ZNF141: variants seen among roughly 807,000 people sequenced by gnomAD.
ZNF141 encodes the protein zinc finger protein 141.
In ZNF141, 7 loss-of-function variants were observed where a neutral mutation model predicts 11.3. That is an observed-to-expected ratio of 0.62 (90% CI 0.35 to 1.16). ZNF141 has a LOEUF of 1.16. Among genes scored for constraint, ZNF141 ranks in the 50% most tolerant of loss-of-function variants. ZNF141 has a pLI of 0.02. For synonymous variants in ZNF141, 183 were observed against 190.7 expected (o/e 0.96, Z 0.33); for missense variants, 535 against 554.0 (o/e 0.97, Z 0.34).
chr4:339,595 A>G (rs11729532), intron 1 of ZNF141, among the ~76,000 whole-genome samples: 65,830 of 152,084 alleles, frequency 0.43, 14,842 homozygotes, highest in African/African-American at 0.57. Context: ...TAGAATGAGG[A>G]AAGAATTTTT....
Position 373,736 on chromosome 4 carries a change from A to G in ZNF141, c.1299A>G (p.Lys433=), listed in dbSNP as rs1553854113. 2 of 1,614,192 alleles carry G rather than the reference A, an allele frequency of 1.2e-6. No individual in the cohort carries two copies. The highest frequency in any genetic ancestry group is 1.1e-5 in the South Asian group (1 of 91,078). ...YKCKECDKAF[K]QFSLLSQHKK... ...GTAAAGAATGTGACAAAGCCTTTAA[A>G]CAATTTTCGCTCCTGAGTCAACATA... Residue 433 remains lysine, a synonymous_variant, in exon 4 of 4, where the codon AAA becomes AAG. Transcript: ENST00000240499.
At chr4:340,268 A>C in intron 1 of ZNF141, among the ~76,000 whole-genome samples, 1 of 152,156 alleles carries the variant, frequency 6.6e-6, no homozygotes, top group East Asian at 1.9e-4. Flanking sequence ...TGTGCAGCAA[A>C]GTGCACGAAG....
chr4:350,136 G>T (rs782221395), intron 3 of ZNF141: 3 of 534,406 alleles, frequency 5.6e-6, no homozygotes, highest in South Asian at 4.2e-5. Flanking sequence ...TTTGAGAGAG[G>T]TTACAGAACT....
At chr4:341,597 G>A (rs1281508557) in intron 1 of ZNF141, among the ~76,000 whole-genome samples, 3 of 152,034 alleles carry the variant, frequency 2.0e-5, no homozygotes, top group Non-Finnish European at 4.4e-5. Flanking sequence ...ATTTCTCTTG[G>A]GCAGGCTTAG....
chr4:374,115 G>T lies in ZNF141; in HGVS notation c.*253G>T. ...TGAGCAGAAGAAAATTATTACTGGA[G>T]ATAAACCCTGCAAATGTAAAGAGTG... On this transcript the variant is annotated 3_prime_UTR_variant, in exon 4 of 4. Coordinates refer to ENST00000240499, the MANE Select transcript of ZNF141 (RefSeq NM_003441.4). The T allele has an allele frequency of 2.0e-6, 1 of 510,894 alleles. No homozygotes were observed. The highest frequency in any genetic ancestry group is 3.3e-5 in the East Asian group (1 of 30,086). 31.6% of individuals were successfully genotyped at this position (510,894 alleles called of 1,614,324 possible).
At chr4:340,493 A>G (rs1560177897) in intron 1 of ZNF141, among the ~76,000 whole-genome samples, 2 of 152,218 alleles carry the variant, frequency 1.3e-5, no homozygotes, top group South Asian at 2.1e-4. Context: ...ACACATGTGC[A>G]TTGATTAAAC....
chr4:363,321 G>A (rs960976261), intron 3 of ZNF141, among the ~76,000 whole-genome samples: 29 of 152,164 alleles, frequency 1.9e-4, no homozygotes, highest in Admixed American at 1.7e-3. Flanking sequence ...TCTGCAAACA[G>A]GGACAATTTG....
At position 376,287 on chromosome 4, in the gene ZNF141, A is replaced by T. The variant is rs561315598; in HGVS notation, c.*2425A>T. On this transcript the variant is annotated 3_prime_UTR_variant, in exon 4 of 4. Coordinates refer to ENST00000240499, the MANE Select transcript of ZNF141 (RefSeq NM_003441.4). ...AAATACATTGAAGAATATCATTCCC[A>T]TATGTTGTATTTTCACTCTTGTTAT... Among the ~76,000 whole-genome samples, 3 of 151,990 alleles carry T rather than the reference A, an allele frequency of 2.0e-5. No homozygotes were observed. The highest frequency in any genetic ancestry group is 7.2e-5 in the African/African-American group (3 of 41,432).
chr4:346,861 GTATGTATATA>G (rs1275202300), intron 3 of ZNF141, among the ~76,000 whole-genome samples: 24 of 140,964 alleles, frequency 1.7e-4, no homozygotes, highest in Middle Eastern at 7.9e-3. Context: ...GTATATACAT[GTATGTATATA>G]TATGTATACA....
chr4:351,926 G>T (rs1553850503), intron 3 of ZNF141, among the ~76,000 whole-genome samples: 3 of 152,134 alleles, frequency 2.0e-5, no homozygotes, highest in African/African-American at 7.2e-5. Flanking sequence ...TTGTCATGGG[G>T]CTGTTTCTAC....
At position 382,662 on chromosome 4, in the gene ZNF141, T is replaced by C. The variant is rs1282154378; in HGVS notation, c.*8800T>C. 15 of 152,696 alleles carry C rather than the reference T, an allele frequency of 9.8e-5. No individual in the cohort carries two copies. 9.5% of individuals were successfully genotyped at this position (152,696 alleles called of 1,614,324 possible). A position where few individuals can be genotyped will look rare whatever the true frequency, so the allele number is the denominator to read the frequency against. The stretch of plus-strand genomic sequence containing the variant: ...CAGAACCATTCCCTGGAGTGAATTA[T>C]TTCCAATGGTGAAGAGTAATGGATG... On this transcript the variant is annotated 3_prime_UTR_variant, in exon 4 of 4. Transcript: ENST00000240499.
chr4:373,780 A>G lies in ZNF141; in HGVS notation c.1343A>G (p.Asp448Gly). The change falls in exon 4 of 4, where the codon GAT becomes GGT. Residue 448 changes from aspartate to glycine, a missense_variant. By Grantham distance (94) the Asp-to-Gly change is moderately conservative. Transcript: ENST00000240499. ...LSQHKKIHTV[D>G]KPYKCKDCDK... The stretch of plus-strand genomic sequence containing the variant: ...CAACATAAGAAAATTCATACTGTAG[A>G]TAAACCCTACAAATGTAAAGATTGT... The G allele has an allele frequency of 1.2e-6, 2 of 1,614,198 alleles. No individual in the cohort carries two copies. Among genetic ancestry groups the G allele is most frequent in the Non-Finnish European group, 1.7e-6 (2 of 1,179,986 alleles).
At chr4:345,750 A>AAAAAAT (rs1560182129) in intron 3 of ZNF141, among the ~76,000 whole-genome samples, 1 of 150,742 alleles carries the variant, frequency 6.6e-6, no homozygotes, top group Non-Finnish European at 1.5e-5. Flanking sequence ...AAAAAAAAAA[A>AAAAAAT]GTTTTTGAAA....
At chr4:356,379 G>A (rs556698862) in intron 3 of ZNF141, among the ~76,000 whole-genome samples, 1 of 151,998 alleles carries the variant, frequency 6.6e-6, no homozygotes, top group South Asian at 2.1e-4. Flanking sequence ...GGAGTACAGT[G>A]GAGTACAGTG....
At chr4:343,170 T>C (rs1721139465) in intron 1 of ZNF141, among the ~76,000 whole-genome samples, 1 of 152,164 alleles carries the variant, frequency 6.6e-6, no homozygotes, top group Admixed American at 6.5e-5. Context: ...GGCTTCCAGA[T>C]ACTTTAGTGA....
intron 3 of ZNF141, among the ~76,000 whole-genome samples, chr4:357,131 G>T (rs1258905314): frequency 1.3e-5 from 2 of 152,088 alleles, no homozygotes; most frequent in African/African-American, 4.8e-5. Context: ...AATTTTGTCA[G>T]TGCTTTTTGT....
At chr4:356,181 A>G (rs1474027242) in intron 3 of ZNF141, among the ~76,000 whole-genome samples, 2 of 148,602 alleles carry the variant, frequency 1.3e-5, no homozygotes, top group Non-Finnish European at 3.0e-5. Flanking sequence ...CAGTGAGCCG[A>G]GATCATGCCA....
At chr4:339,500 A>AG (rs35185356) in intron 1 of ZNF141, among the ~76,000 whole-genome samples, 65,755 of 152,058 alleles carry the variant, frequency 0.43, 14,800 homozygotes, top group African/African-American at 0.56. Flanking sequence ...ACAAGAATTC[A>AG]ACGTTAGTGA....
intron 3 of ZNF141, among the ~76,000 whole-genome samples, chr4:357,269 A>G (rs1361352356): frequency 6.6e-6 from 1 of 152,036 alleles, no homozygotes; most frequent in East Asian, 1.9e-4. Flanking sequence ...TTTTTTTAAA[A>G]GATTGAATAG....
Sources: allele counts gnomAD v4.1 joint callset (sites outside exome capture counted in the v4.1 genomes callset), GRCh38; gene constraint gnomAD v4.1.1; transcripts MANE v1.5; gene names NCBI Gene and HGNC (gene_info 2026-07-23, HGNC 2026-07-21).